The following ATXN1 variants were observed in gnomAD, a reference collection of about 807,000 sequenced individuals.
ATXN1 encodes ataxin-1.
A neutral mutation model predicts 56.4 loss-of-function variants in ATXN1; 8 were observed. The observed-to-expected ratio is 0.14, with a 90% CI of 0.08 to 0.26. The LOEUF (loss-of-function observed/expected upper bound fraction) is 0.26, where lower values mean the gene tolerates loss of function less well. ATXN1 is among the 10% of genes least tolerant of loss of function. ATXN1 has a pLI of 1.00. For missense variants in ATXN1, 987 were observed against 1,106.5 expected (o/e 0.89, Z 1.53); for synonymous variants, 514 against 494.6 (o/e 1.04, Z -0.52).
intron 2 of ATXN1, among the ~76,000 whole-genome samples, chr6:16,729,289 C>T (rs1396914576): frequency 6.6e-6 from 1 of 152,168 alleles, no homozygotes; most frequent in Non-Finnish European, 1.5e-5. Flanking sequence ...AAGGAGCTTT[C>T]CTGTGGGGTG....
At chr6:16,557,326 C>CAAAAAA (rs10551173) in intron 4 of ATXN1, among the ~76,000 whole-genome samples, 6 of 87,724 alleles carry the variant, frequency 6.8e-5, no homozygotes, top group Non-Finnish European at 1.2e-4. Flanking sequence ...AACCCCATTT[C>CAAAAAA]AAAAAAAAAA....
At chr6:16,413,017 T>C (rs1268357507) in intron 6 of ATXN1, among the ~76,000 whole-genome samples, 1 of 152,234 alleles carries the variant, frequency 6.6e-6, no homozygotes, top group Admixed American at 6.5e-5. Context: ...ATGAGGTCTC[T>C]ATCTATTCAC....
At chr6:16,724,332 C>A (rs891805741) in intron 2 of ATXN1, among the ~76,000 whole-genome samples, 1 of 152,166 alleles carries the variant, frequency 6.6e-6, no homozygotes, top group African/African-American at 2.4e-5. Context: ...AGCAGGAATT[C>A]CAGTGCCTAG....
At chr6:16,681,374 G>A (rs887248051) in intron 2 of ATXN1, among the ~76,000 whole-genome samples, 20 of 152,342 alleles carry the variant, frequency 1.3e-4, no homozygotes, top group Admixed American at 9.1e-4. Flanking sequence ...ATGGGGCCAC[G>A]TGACAGCCTG....
At chr6:16,456,697 C>T (rs898219160) in intron 6 of ATXN1, among the ~76,000 whole-genome samples, 8 of 152,164 alleles carry the variant, frequency 5.3e-5, no homozygotes, top group Non-Finnish European at 1.0e-4. Context: ...AACTTTCTCC[C>T]GCCTCTCTTC....
chr6:16,420,184 G>A (rs574365117), intron 6 of ATXN1, among the ~76,000 whole-genome samples: 128 of 152,306 alleles, frequency 8.4e-4, no homozygotes, highest in African/African-American at 3.0e-3. Context: ...TAGCACCACT[G>A]TTCTCCATAA....
chr6:16,729,046 C>G (rs1759910878), intron 2 of ATXN1, among the ~76,000 whole-genome samples: 1 of 152,218 alleles, frequency 6.6e-6, no homozygotes, highest in Admixed American at 6.5e-5. Flanking sequence ...CAGCAGACAT[C>G]TGAGAAATCC....
chr6:16,559,545 G>T (rs1277745612), intron 4 of ATXN1, among the ~76,000 whole-genome samples: 2 of 152,166 alleles, frequency 1.3e-5, no homozygotes, highest in Non-Finnish European at 2.9e-5. Context: ...AGTGTATGGG[G>T]TGTAAACATT....
At chr6:16,556,802 T>A (rs1762021886) in intron 4 of ATXN1, among the ~76,000 whole-genome samples, 1 of 152,176 alleles carries the variant, frequency 6.6e-6, no homozygotes, top group African/African-American at 2.4e-5. Flanking sequence ...ATAAGGGATA[T>A]AAAAATTATA....
At chr6:16,545,905 TAG>T (rs1191851109) in intron 4 of ATXN1, among the ~76,000 whole-genome samples, 1 of 152,240 alleles carries the variant, frequency 6.6e-6, no homozygotes, top group African/African-American at 2.4e-5. Context: ...TGGTGAGAAA[TAG>T]AGAGCAGCTT....
intron 2 of ATXN1, among the ~76,000 whole-genome samples, chr6:16,695,764 G>T (rs913428857): frequency 1.3e-5 from 2 of 152,118 alleles, no homozygotes; most frequent in African/African-American, 2.4e-5. Context: ...TAAAAATGCA[G>T]CCTGGGCAAT....
At chr6:16,526,738 C>A (rs1761401937) in intron 4 of ATXN1, among the ~76,000 whole-genome samples, 1 of 143,644 alleles carries the variant, frequency 7.0e-6, no homozygotes, top group Admixed American at 7.3e-5. Context: ...GCACTCCAGC[C>A]TGGGCAACAA....
intron 6 of ATXN1, among the ~76,000 whole-genome samples, chr6:16,448,884 G>C (rs1759687295): frequency 6.6e-6 from 1 of 152,178 alleles, no homozygotes; most frequent in Non-Finnish European, 1.5e-5. Flanking sequence ...TTGTTAGTAA[G>C]GCTCTACATC....
intron 5 of ATXN1, among the ~76,000 whole-genome samples, chr6:16,502,599 T>A (rs578048531): frequency 6.6e-6 from 1 of 152,180 alleles, no homozygotes; most frequent in Non-Finnish European, 1.5e-5. Context: ...AAAATACAAT[T>A]AACTGCTATT....
chr6:16,596,990 C>T, intron 3 of ATXN1, among the ~76,000 whole-genome samples: 1 of 152,352 alleles, frequency 6.6e-6, no homozygotes. Flanking sequence ...TTGGGTGTCT[C>T]GCTGGCTGTG....
intron 6 of ATXN1, among the ~76,000 whole-genome samples, chr6:16,429,727 T>C (rs1283733910): frequency 1.3e-5 from 2 of 152,160 alleles, no homozygotes; most frequent in Non-Finnish European, 2.9e-5. Flanking sequence ...TGGAGTTTTC[T>C]CTTATCATAG....
chr6:16,389,685 CAT>C (rs1191472356), intron 6 of ATXN1, among the ~76,000 whole-genome samples: 1 of 152,194 alleles, frequency 6.6e-6, no homozygotes, highest in East Asian at 1.9e-4. Flanking sequence ...GAAAAGAAAA[CAT>C]AGAAGCAAAA....
intron 3 of ATXN1, among the ~76,000 whole-genome samples, chr6:16,597,597 C>G (rs1483203581): frequency 4.6e-5 from 7 of 152,220 alleles, no homozygotes; most frequent in African/African-American, 1.7e-4. Context: ...TGCCACCACA[C>G]TTGGCTATTT....
At chr6:16,400,326 C>A (rs573867201) in intron 6 of ATXN1, among the ~76,000 whole-genome samples, 5 of 152,224 alleles carry the variant, frequency 3.3e-5, no homozygotes, top group African/African-American at 1.2e-4. Context: ...TCTCCTACAG[C>A]CCTCTGAGGT....
Sources: allele counts gnomAD v4.1 joint callset (sites outside exome capture counted in the v4.1 genomes callset), GRCh38; gene constraint gnomAD v4.1.1; transcripts MANE v1.5; gene names NCBI Gene and HGNC (gene_info 2026-07-23, HGNC 2026-07-21).